Variants in SLC38A1 observed in about 807,000 individuals in gnomAD.
SLC38A1 encodes the protein sodium-coupled neutral amino acid symporter 1.
SLC38A1 carries 18 observed loss-of-function variants against 60.3 expected under a neutral mutation model. The observed-to-expected ratio is 0.30, with a 90% CI of 0.21 to 0.44. SLC38A1 has a LOEUF of 0.44. SLC38A1 is among the 20% of genes least tolerant of loss of function. The pLI, the probability that SLC38A1 is intolerant of heterozygous loss-of-function variation, is 1.00. For missense variants in SLC38A1, 448 were observed against 587.2 expected, an observed-to-expected ratio of 0.76 and a Z score of 2.45; for synonymous variants, 196 against 212.1, an observed-to-expected ratio of 0.92 and a Z score of 0.66.
intron 1 of SLC38A1, among the ~76,000 whole-genome samples, chr12:46,247,207 T>A (rs1333530165): frequency 6.6e-6 from 1 of 152,182 alleles, no homozygotes; most frequent in East Asian, 1.9e-4. Context: ...CAAAGTAGGC[T>A]TCAGAAGGTC....
chr12:46,195,971 C>T, intron 16 of SLC38A1: 1 of 566,056 alleles, frequency 1.8e-6, no homozygotes, highest in South Asian at 1.9e-5. Flanking sequence ...ACTGTCCAAC[C>T]AGTCCCAGTG....
chr12:46,214,090 C>T (rs1445785335), intron 5 of SLC38A1, among the ~76,000 whole-genome samples: 1 of 152,202 alleles, frequency 6.6e-6, no homozygotes, highest in Non-Finnish European at 1.5e-5. Flanking sequence ...ATCTTTTCTG[C>T]AGTCATTGCA....
At chr12:46,225,114 T>A (rs936595004) in intron 5 of SLC38A1, among the ~76,000 whole-genome samples, 1 of 152,078 alleles carries the variant, frequency 6.6e-6, no homozygotes, top group African/African-American at 2.4e-5. Context: ...AATAATGAAA[T>A]TTTGAAAGCT....
At chr12:46,252,426 T>C (rs1018419773) in intron 1 of SLC38A1, among the ~76,000 whole-genome samples, 1 of 152,114 alleles carries the variant, frequency 6.6e-6, no homozygotes, top group African/African-American at 2.4e-5. Context: ...ACATGGCACA[T>C]GTATATATAT....
chr12:46,255,491 T>C (rs1302783759), intron 1 of SLC38A1, among the ~76,000 whole-genome samples: 1 of 152,242 alleles, frequency 6.6e-6, no homozygotes, highest in African/African-American at 2.4e-5. Context: ...TGCTTAAACC[T>C]TCAGCTTTAT....
intron 1 of SLC38A1, chr12:46,267,247 T>A (rs1188509500): frequency 6.6e-6 from 1 of 152,246 alleles, no homozygotes; most frequent in Non-Finnish European, 1.5e-5. Context: ...GAGGCGTCTT[T>A]TTTCACTTTT....
chr12:46,242,393 A>C (rs1182528397), intron 2 of SLC38A1, among the ~76,000 whole-genome samples: 1 of 152,168 alleles, frequency 6.6e-6, no homozygotes. Context: ...AAAGCTTAAA[A>C]AATGTTAAAT....
At chr12:46,258,593 G>A (rs1434251474) in intron 1 of SLC38A1, among the ~76,000 whole-genome samples, 2 of 152,168 alleles carry the variant, frequency 1.3e-5, no homozygotes, top group Admixed American at 6.5e-5. Flanking sequence ...CTTGGGCATC[G>A]TGTCAGTGCT....
intron 6 of SLC38A1, among the ~76,000 whole-genome samples, chr12:46,208,289 T>A (rs1355138880): frequency 6.6e-6 from 1 of 152,220 alleles, no homozygotes; most frequent in African/African-American, 2.4e-5. Context: ...CTCTAAAGCA[T>A]TCACTTTTTA....
intron 1 of SLC38A1, among the ~76,000 whole-genome samples, chr12:46,245,233 A>T (rs1941573986): frequency 6.6e-6 from 1 of 152,232 alleles, no homozygotes; most frequent in Non-Finnish European, 1.5e-5. Flanking sequence ...TGAAGAACTA[A>T]TATAATCAGA....
intron 1 of SLC38A1, among the ~76,000 whole-genome samples, chr12:46,249,507 G>C (rs1176492625): frequency 1.3e-5 from 2 of 152,078 alleles, no homozygotes; most frequent in African/African-American, 4.8e-5. Flanking sequence ...GAAGGAGATA[G>C]AGATACAAAA....
In SLC38A1 at chr12:46,187,098, T is replaced by A. The variant is rs889155308; in HGVS notation, c.*1872A>T. 5 of 152,310 alleles carry A rather than the reference T, an allele frequency of 3.3e-5. No homozygotes were observed. The highest frequency in any genetic ancestry group is 1.2e-4 in the African/African-American group (5 of 41,564). The allele number at this position is 152,310 out of a possible 1,614,324, so 9.4% of individuals were successfully genotyped here. A position where few individuals can be genotyped will look rare whatever the true frequency, so the allele number is the denominator to read the frequency against. On this transcript the variant is annotated 3_prime_UTR_variant, in exon 17 of 17. Transcript: ENST00000398637. ...AACTCTAACCTAATGTGGATATGAT[T>A]CTGTAGCATTATATTAAAAGCTATG...
At chr12:46,246,367 A>T (rs1444868643) in intron 1 of SLC38A1, among the ~76,000 whole-genome samples, 1 of 152,252 alleles carries the variant, frequency 6.6e-6, no homozygotes, top group Non-Finnish European at 1.5e-5. Context: ...CTGCGCCTGG[A>T]TCGGCAGGTC....
chr12:46,266,767 GC>G (rs751779471), intron 1 of SLC38A1, among the ~76,000 whole-genome samples: 1 of 151,936 alleles, frequency 6.6e-6, no homozygotes, highest in Non-Finnish European at 1.5e-5. Context: ...ATGTTTATTG[GC>G]CACATTTTTT....
chr12:46,219,295 G>A (rs934829249), intron 5 of SLC38A1, among the ~76,000 whole-genome samples: 1 of 152,184 alleles, frequency 6.6e-6, no homozygotes, highest in African/African-American at 2.4e-5. Context: ...AATTTCCTTG[G>A]TTATAATTTT....
intron 3 of SLC38A1, among the ~76,000 whole-genome samples, chr12:46,234,970 A>T (rs903235390): frequency 2.6e-5 from 4 of 152,194 alleles, no homozygotes; most frequent in South Asian, 2.1e-4. Flanking sequence ...AAATATTATT[A>T]AAAAAAGAGT....
chr12:46,229,667 C>A (rs754587826), intron 3 of SLC38A1, 28 bp from the exon 4 acceptor site: 2 of 1,572,964 alleles, frequency 1.3e-6, no homozygotes, highest in African/African-American at 2.7e-5. Context: ...ATATATTTAA[C>A]CTTATGATAA....
At chr12:46,226,208 G>A (rs1245204408) in intron 5 of SLC38A1, among the ~76,000 whole-genome samples, 1 of 151,888 alleles carries the variant, frequency 6.6e-6, no homozygotes, top group Non-Finnish European at 1.5e-5. Flanking sequence ...ATCTTGGTGG[G>A]GGACTGACTA....
chr12:46,235,564 C>T (rs1941230330), intron 3 of SLC38A1, among the ~76,000 whole-genome samples: 1 of 152,034 alleles, frequency 6.6e-6, no homozygotes. Flanking sequence ...TTAATTGTAA[C>T]AGGAGAAATG....
Sources: allele counts gnomAD v4.1 joint callset (sites outside exome capture counted in the v4.1 genomes callset), GRCh38; gene constraint gnomAD v4.1.1; transcripts MANE v1.5; gene names NCBI Gene and HGNC (gene_info 2026-07-23, HGNC 2026-07-21).